SPAG16: variants seen among roughly 807,000 people sequenced by gnomAD.
SPAG16 encodes the protein sperm-associated antigen 16 protein.
Under a neutral mutation model 80.4 loss-of-function variants are expected in SPAG16, and 86 were observed. The ratio of observed to expected loss-of-function variants is 1.07; its 90% CI spans 0.90 to 1.28. The LOEUF (loss-of-function observed/expected upper bound fraction) is 1.28, where lower values mean the gene tolerates loss of function less well. SPAG16 is among the 50% of genes most tolerant of loss of function. The pLI is 0.00. For missense variants in SPAG16, 870 were observed against 765.3 expected (o/e 1.14, Z -1.61); for synonymous variants, 294 against 265.9 (o/e 1.11, Z -1.03).
At chr2:214,184,369 C>T (rs532775121) in intron 15 of SPAG16, among the ~76,000 whole-genome samples, 1 of 152,102 alleles carries the variant, frequency 6.6e-6, no homozygotes, top group East Asian at 1.9e-4. Flanking sequence ...CCACTCATCC[C>T]AACTATAGTG....
chr2:213,608,929 C>T (rs1031802721), intron 10 of SPAG16, among the ~76,000 whole-genome samples: 7 of 152,144 alleles, frequency 4.6e-5, no homozygotes, highest in Admixed American at 1.3e-4. Context: ...GTGATCTGCC[C>T]GCCTCGGCCT....
intron 15 of SPAG16, among the ~76,000 whole-genome samples, chr2:214,323,201 G>T (rs1387835466): frequency 6.6e-6 from 1 of 151,938 alleles, no homozygotes; most frequent in Non-Finnish European, 1.5e-5. Context: ...TTTCTTCTGT[G>T]CTCTCCCCGT....
chr2:213,388,930 C>T (rs749469108), intron 9 of SPAG16, among the ~76,000 whole-genome samples: 6 of 152,178 alleles, frequency 3.9e-5, no homozygotes, highest in South Asian at 2.1e-4. Context: ...TCCTAAGTTT[C>T]GTATAGTCTC....
At chr2:213,935,046 CA>C (rs1365816826) in intron 12 of SPAG16, among the ~76,000 whole-genome samples, 2 of 151,718 alleles carry the variant, frequency 1.3e-5, no homozygotes, top group Non-Finnish European at 2.9e-5. Flanking sequence ...ACTGAAAATA[CA>C]AAAAATTACC....
chr2:214,241,945 T>G (rs1375352197), intron 15 of SPAG16, among the ~76,000 whole-genome samples: 1 of 152,168 alleles, frequency 6.6e-6, no homozygotes, highest in East Asian at 1.9e-4. Context: ...AACTTCTGGA[T>G]TTCATATCCT....
intron 11 of SPAG16, among the ~76,000 whole-genome samples, chr2:213,908,929 C>G (rs140777965): frequency 0.039 from 5,894 of 151,866 alleles, 399 homozygotes; most frequent in African/African-American, 0.13. Flanking sequence ...CCTCCTCCCC[C>G]CCACCACACA....
At chr2:213,460,530 G>A (rs1366008094) in intron 9 of SPAG16, among the ~76,000 whole-genome samples, 2 of 152,128 alleles carry the variant, frequency 1.3e-5, no homozygotes, top group South Asian at 2.1e-4. Flanking sequence ...ACAGAATCAC[G>A]TGGCAAAGAG....
intron 13 of SPAG16, among the ~76,000 whole-genome samples, chr2:214,017,998 G>A (rs1284220757): frequency 6.6e-6 from 1 of 151,636 alleles, no homozygotes; most frequent in Non-Finnish European, 1.5e-5. Context: ...TCATTTAATG[G>A]GTTTATTTTC....
At chr2:213,916,719 A>T (rs1008775534) in intron 11 of SPAG16, among the ~76,000 whole-genome samples, 10 of 152,148 alleles carry the variant, frequency 6.6e-5, no homozygotes, top group Non-Finnish European at 1.3e-4. Flanking sequence ...GGGTGGACAC[A>T]CAGCCAAACC....
chr2:213,832,087 C>G (rs1313989075), intron 10 of SPAG16, among the ~76,000 whole-genome samples: 1 of 151,936 alleles, frequency 6.6e-6, no homozygotes, highest in Non-Finnish European at 1.5e-5. Flanking sequence ...ACCTCCTTCC[C>G]CCCGGGTTCA....
chr2:213,677,544 GA>G (rs1275631126), intron 10 of SPAG16, among the ~76,000 whole-genome samples: 2 of 151,914 alleles, frequency 1.3e-5, no homozygotes, highest in African/African-American at 4.8e-5. Flanking sequence ...ATGGTAAAGG[GA>G]TCAATTCAAC....
In SPAG16 at chr2:214,306,914, G is replaced by A. The variant is rs546794928; in HGVS notation, c.1721-103226G>A. 2.6e-5 allele frequency among the ~76,000 whole-genome samples: 4 copies of A among 152,240 alleles called. 1 individual carries two copies. In the East Asian group the frequency reaches 7.7e-4, roughly 29 times the overall value. On this transcript the variant is annotated intron_variant, in intron 15 of 15. Coordinates refer to ENST00000331683, the MANE Select transcript of SPAG16 (RefSeq NM_024532.5). ...GGTGGCCTCATAGAATGAATTAGGGGGGAGTCCCTCCCCTCAGTTTTTTGG... is the reference window on the plus strand; with the variant it reads ...GGTGGCCTCATAGAATGAATTAGGGAGGAGTCCCTCCCCTCAGTTTTTTGG...
chr2:214,088,815 A>T (rs1189081095), intron 13 of SPAG16, among the ~76,000 whole-genome samples: 3 of 152,070 alleles, frequency 2.0e-5, no homozygotes, highest in Non-Finnish European at 4.4e-5. Flanking sequence ...AATACTGTTT[A>T]AACTATTCCA....
At chr2:213,963,070 G>C (rs911606480) in intron 12 of SPAG16, among the ~76,000 whole-genome samples, 1 of 130,430 alleles carries the variant, frequency 7.7e-6, no homozygotes, top group Admixed American at 7.7e-5. Context: ...CCTTTCTTTT[G>C]CTTTCTGAAT....
chr2:213,864,977 G>A (rs962278962), intron 11 of SPAG16, among the ~76,000 whole-genome samples: 8 of 151,958 alleles, frequency 5.3e-5, no homozygotes, highest in Admixed American at 6.6e-5. Context: ...CAGCTAATAT[G>A]ATGTCGAAAT....
intron 5 of SPAG16, among the ~76,000 whole-genome samples, chr2:213,324,954 C>T (rs1056021689): frequency 6.6e-6 from 1 of 151,994 alleles, no homozygotes; most frequent in African/African-American, 2.4e-5. Flanking sequence ...GTTGTGGCAT[C>T]TTGTATTTTT....
At chr2:213,546,336 A>G (rs2076611193) in intron 10 of SPAG16, among the ~76,000 whole-genome samples, 1 of 152,054 alleles carries the variant, frequency 6.6e-6, no homozygotes, top group Non-Finnish European at 1.5e-5. Context: ...CAAGCATAGC[A>G]TGTGTTATTA....
chr2:213,596,742 A>G (rs972899179), intron 10 of SPAG16, among the ~76,000 whole-genome samples: 6 of 152,166 alleles, frequency 3.9e-5, no homozygotes, highest in African/African-American at 1.4e-4. Context: ...CTCTCAGATC[A>G]GTATACACCA....
chr2:213,909,174 A>C (rs1217189437), intron 11 of SPAG16, among the ~76,000 whole-genome samples: 1 of 152,182 alleles, frequency 6.6e-6, no homozygotes, highest in African/African-American at 2.4e-5. Flanking sequence ...TTACAAGGGA[A>C]GTGAAGGACC....
Sources: allele counts gnomAD v4.1 joint callset (sites outside exome capture counted in the v4.1 genomes callset), GRCh38; gene constraint gnomAD v4.1.1; transcripts MANE v1.5; gene names NCBI Gene and HGNC (gene_info 2026-07-23, HGNC 2026-07-21).